FLRT2: variants seen among roughly 807,000 people sequenced by gnomAD.
FLRT2 encodes fibronectin leucine rich transmembrane protein 2, also known as leucine-rich repeat transmembrane protein FLRT2.
A neutral mutation model predicts 40.0 loss-of-function variants in FLRT2; 15 were observed. That is an observed-to-expected ratio of 0.38 (90% CI 0.25 to 0.58). FLRT2 has a LOEUF of 0.58. FLRT2 is among the 20% of genes least tolerant of loss of function. The pLI, the probability that FLRT2 is intolerant of heterozygous loss-of-function variation, is 0.71. For missense variants in FLRT2, 726 were observed against 840.0 expected (o/e 0.86, Z 1.68); for synonymous variants, 380 against 336.8 (o/e 1.13, Z -1.41).
intron 1 of FLRT2, among the ~76,000 whole-genome samples, chr14:85,535,228 A>G (rs1319797993): frequency 6.6e-6 from 1 of 152,198 alleles, no homozygotes; most frequent in Non-Finnish European, 1.5e-5. Context: ...ACTTATTGCT[A>G]AATTTATTAT....
chr14:85,618,432 A>T (rs1274369073), intron 1 of FLRT2, among the ~76,000 whole-genome samples: 2 of 152,198 alleles, frequency 1.3e-5, no homozygotes, highest in Admixed American at 1.3e-4. Flanking sequence ...AGTAATTATT[A>T]ATAGCACCAA....
intron 1 of FLRT2, among the ~76,000 whole-genome samples, chr14:85,578,079 A>G (rs1891201897): frequency 6.7e-6 from 1 of 148,218 alleles, no homozygotes; most frequent in Non-Finnish European, 1.5e-5. Flanking sequence ...ACAAAAGGAC[A>G]CCCAGTTTGT....
At chr14:85,592,064 A>T (rs34380956) in intron 1 of FLRT2, among the ~76,000 whole-genome samples, 45,363 of 152,158 alleles carry the variant, frequency 0.3, 7,559 homozygotes, top group Non-Finnish European at 0.38. Flanking sequence ...TGTCACATTA[A>T]ATACTTTTTT....
chr14:85,616,495 G>C (rs1455721439), intron 1 of FLRT2, among the ~76,000 whole-genome samples: 3 of 152,210 alleles, frequency 2.0e-5, no homozygotes, highest in African/African-American at 7.2e-5. Flanking sequence ...AGAGAGTTGG[G>C]AGAAAGTATT....
intron 1 of FLRT2, among the ~76,000 whole-genome samples, chr14:85,553,747 A>G (rs1889787452): frequency 6.6e-6 from 1 of 152,174 alleles, no homozygotes; most frequent in Admixed American, 6.5e-5. Flanking sequence ...CCTACCTCCA[A>G]TAGGTGACTA....
At position 85,619,124 on chromosome 14, in the gene FLRT2, C is replaced by CT. The variant is rs566451481; in HGVS notation, c.-376-2014dup. On this transcript the variant is annotated intron_variant, in intron 1 of 1. Transcript: ENST00000330753. ...TTTCTTTTTGAGGCAGGTTCTTGCT[C>CT]TGTCACCCAGGCTGGACTGCAACAG... Among the ~76,000 whole-genome samples, 99 of 144,340 alleles carry CT rather than the reference C, an allele frequency of 6.9e-4. 2 individuals carry two copies. In the South Asian group the frequency reaches 0.021, roughly 31 times the overall value. 94.7% of individuals were successfully genotyped at this position (144,340 alleles called of 152,430 possible). A position where few individuals can be genotyped will look rare whatever the true frequency, so the allele number is the denominator to read the frequency against.
chr14:85,546,101 T>C (rs1019138062), intron 1 of FLRT2, among the ~76,000 whole-genome samples: 1 of 152,220 alleles, frequency 6.6e-6, no homozygotes, highest in Non-Finnish European at 1.5e-5. Context: ...GCACAGTATG[T>C]GCTTGCAAAT....
At chr14:85,546,621 G>C (rs10873366) in intron 1 of FLRT2, among the ~76,000 whole-genome samples, 104,388 of 152,078 alleles carry the variant, frequency 0.69, 37,629 homozygotes, top group Non-Finnish European at 0.81. Context: ...GAACCGAAAC[G>C]CTTGCCCTCT....
intron 1 of FLRT2, among the ~76,000 whole-genome samples, chr14:85,546,255 T>A (rs1889274160): frequency 6.6e-6 from 1 of 152,208 alleles, no homozygotes; most frequent in African/African-American, 2.4e-5. Flanking sequence ...CCATGGTATT[T>A]CTCTGTAAAT....
intron 1 of FLRT2, among the ~76,000 whole-genome samples, chr14:85,538,370 G>A (rs1021845319): frequency 6.6e-6 from 1 of 152,120 alleles, no homozygotes; most frequent in African/African-American, 2.4e-5. Context: ...CAGTTTAATG[G>A]TTAAAGACCT....
intron 1 of FLRT2, among the ~76,000 whole-genome samples, chr14:85,590,605 A>G (rs1318937812): frequency 3.3e-5 from 5 of 151,720 alleles, no homozygotes; most frequent in Admixed American, 1.3e-4. Context: ...TTTTATTTTT[A>G]TTTCATTTTT....
chr14:85,532,800 G>A (rs910652614), intron 1 of FLRT2, among the ~76,000 whole-genome samples: 3 of 152,142 alleles, frequency 2.0e-5, no homozygotes, highest in Non-Finnish European at 4.4e-5. Context: ...TTGGTTGAGA[G>A]GTTTGCTGTA....
At chr14:85,596,184 A>G (rs1892130581) in intron 1 of FLRT2, among the ~76,000 whole-genome samples, 1 of 152,194 alleles carries the variant, frequency 6.6e-6, no homozygotes, top group African/African-American at 2.4e-5. Flanking sequence ...GCCAGGAAAC[A>G]GGCGCCCCTG....
intron 1 of FLRT2, among the ~76,000 whole-genome samples, chr14:85,610,918 CAG>C (rs142887077): frequency 0.03 from 4,529 of 152,100 alleles, 229 homozygotes; most frequent in African/African-American, 0.1. Context: ...TTTTTTGAGA[CAG>C]AGTGTCACTT....
rs1893858889 is a variant in FLRT2 at position 85,631,112 on chromosome 14, T to TATATATATATATATATATATATATA, written c.*7615_*7616insATATATATATATATATATATATATA. On this transcript the variant is annotated 3_prime_UTR_variant, in exon 2 of 2. Coordinates refer to ENST00000330753, the MANE Select transcript of FLRT2 (RefSeq NM_013231.6). Reference sequence around the variant, plus strand: ...TATAATTACATATATAATCTAGATTTTATATATATATATATATGAAATGAG... The same window carrying TATATATATATATATATATATATATA: ...TATAATTACATATATAATCTAGATTTATATATATATATATATATATATATATATATATATATATATATGAAATGAG... 269 of 91,808 alleles carry TATATATATATATATATATATATATA rather than the reference T, an allele frequency of 2.9e-3. 2 individuals are homozygous for TATATATATATATATATATATATATA. The highest frequency in any genetic ancestry group is 3.9e-3 in the Admixed American group (29 of 7,446). The allele number at this position is 91,808 out of a possible 1,614,324, so 5.7% of individuals were successfully genotyped here. A position where few individuals can be genotyped will look rare whatever the true frequency, so the allele number is the denominator to read the frequency against.
In FLRT2 at chr14:85,644,105, C is replaced by A. The variant is rs1894233322; in HGVS notation, c.*20608C>A. ...CACAATTCCCAGATTCAAGGTGCAG[C>A]AGTGGATATTTCTAAGACGTCCTCA... is the stretch of plus-strand genomic sequence containing the variant. On this transcript the variant is annotated 3_prime_UTR_variant, in exon 2 of 2. Coordinates refer to ENST00000330753, the MANE Select transcript of FLRT2 (RefSeq NM_013231.6). 1 of 151,988 alleles carries A rather than the reference C, an allele frequency of 6.6e-6. No individual in the cohort carries two copies. Among genetic ancestry groups the A allele is most frequent in the Admixed American group, 6.6e-5 (1 of 15,244 alleles). The allele number at this position is 151,988 out of a possible 1,614,324, so 9.4% of individuals were successfully genotyped here.
chr14:85,555,584 C>T (rs1011124498), intron 1 of FLRT2, among the ~76,000 whole-genome samples: 1 of 152,138 alleles, frequency 6.6e-6, no homozygotes, highest in Admixed American at 6.5e-5. Flanking sequence ...CAGGTCCCTC[C>T]CATAACCGGT....
chr14:85,603,082 A>G (rs1465588065), intron 1 of FLRT2, among the ~76,000 whole-genome samples: 1 of 152,194 alleles, frequency 6.6e-6, no homozygotes, highest in Non-Finnish European at 1.5e-5. Context: ...GTGTCTGGGT[A>G]TAATTTTGTT....
intron 1 of FLRT2, among the ~76,000 whole-genome samples, chr14:85,618,989 T>C (rs1893262450): frequency 6.6e-6 from 1 of 152,210 alleles, no homozygotes; most frequent in Admixed American, 6.5e-5. Context: ...TAAATTATTC[T>C]TTAAGTTTAT....
Sources: gnomAD v4.1 joint callset for allele counts (sites outside exome capture counted in the v4.1 genomes callset) on GRCh38, gnomAD v4.1.1 for gene constraint, MANE v1.5 for transcripts, NCBI Gene and HGNC (gene_info 2026-07-23, HGNC 2026-07-21) for gene names.